The following RAB11FIP4 variants were observed in gnomAD, a reference collection of about 807,000 sequenced individuals.
The protein encoded by RAB11FIP4 is RAB11 family interacting protein 4.
In RAB11FIP4, 23 loss-of-function variants were observed where a neutral mutation model predicts 74.3. The ratio of observed to expected loss-of-function variants is 0.31; its 90% CI spans 0.22 to 0.44. The LOEUF (loss-of-function observed/expected upper bound fraction) is 0.44, where lower values mean the gene tolerates loss of function less well. Among genes scored for constraint, RAB11FIP4 ranks in the 20% least tolerant of loss-of-function variants. The pLI is 1.00. For missense variants in RAB11FIP4, 630 were observed against 863.9 expected, an observed-to-expected ratio of 0.73 and a Z score of 3.39; for synonymous variants, 360 against 359.9, an observed-to-expected ratio of 1.00 and a Z score of 0.00.
chr17:31,412,644 C>T (rs905747461), intron 1 of RAB11FIP4, among the ~76,000 whole-genome samples: 2 of 152,216 alleles, frequency 1.3e-5, no homozygotes, highest in Non-Finnish European at 2.9e-5. Context: ...TTAATCTCTG[C>T]TGCCCACAGA....
chr17:31,445,575 TATA>T (rs1479514974), intron 3 of RAB11FIP4, among the ~76,000 whole-genome samples: 8 of 10,978 alleles, frequency 7.3e-4, no homozygotes, highest in South Asian at 5.1e-3. Flanking sequence ...TATATATATA[TATA>T]TTTTTTTTTT....
At chr17:31,496,215 A>G (rs1056108824) in intron 3 of RAB11FIP4, among the ~76,000 whole-genome samples, 2 of 152,180 alleles carry the variant, frequency 1.3e-5, no homozygotes, top group East Asian at 1.9e-4. Context: ...CAAGGGGACA[A>G]CCTTGGATTG....
Position 31,536,935 on chromosome 17 carries a change from C to G in RAB11FIP4, c.*5203C>G. 2.5e-6 allele frequency: 1 copy of G among 399,078 alleles called. No individual in the cohort carries two copies. Among genetic ancestry groups the G allele is most frequent in the Non-Finnish European group, 4.4e-6 (1 of 226,120 alleles). 24.7% of individuals were successfully genotyped at this position (399,078 alleles called of 1,614,324 possible). Reference sequence around the variant, plus strand: ...CCATATGACCTCCCTGCCCCGACCTCGTAGGTTGCTCCTTTCCCCATCTGT... The same window carrying G: ...CCATATGACCTCCCTGCCCCGACCTGGTAGGTTGCTCCTTTCCCCATCTGT... On this transcript the variant is annotated 3_prime_UTR_variant, in exon 15 of 15. Transcript: ENST00000621161.
chr17:31,516,137 T>C (rs544474983), intron 3 of RAB11FIP4, among the ~76,000 whole-genome samples: 1 of 152,168 alleles, frequency 6.6e-6, no homozygotes, highest in South Asian at 2.1e-4. Flanking sequence ...TAAGATTCCA[T>C]TGCCATTCCT....
chr17:31,527,809 G>T (rs1435711076), intron 10 of RAB11FIP4, 33 bp from the exon 11 acceptor site: 3 of 1,547,614 alleles, frequency 1.9e-6, no homozygotes, highest in East Asian at 2.3e-5. Flanking sequence ...CTACATTCCA[G>T]GTTTCTGAGA....
At chr17:31,411,281 G>A (rs975287267) in intron 1 of RAB11FIP4, among the ~76,000 whole-genome samples, 3 of 152,086 alleles carry the variant, frequency 2.0e-5, no homozygotes, top group African/African-American at 4.8e-5. Flanking sequence ...GGAGAATAGC[G>A]TGAACCTGGG....
chr17:31,474,267 G>A (rs1288964820), intron 3 of RAB11FIP4, among the ~76,000 whole-genome samples: 1 of 152,144 alleles, frequency 6.6e-6, no homozygotes, highest in Non-Finnish European at 1.5e-5. Flanking sequence ...CAGCACTGGT[G>A]GAATTTAAAG....
intron 3 of RAB11FIP4, among the ~76,000 whole-genome samples, chr17:31,493,505 C>A (rs1383532026): frequency 6.6e-6 from 1 of 151,944 alleles, no homozygotes; most frequent in Non-Finnish European, 1.5e-5. Context: ...GGGGTGTCTA[C>A]CCTCTGCACC....
intron 3 of RAB11FIP4, among the ~76,000 whole-genome samples, chr17:31,504,373 C>T (rs920861522): frequency 1.3e-5 from 2 of 151,504 alleles, no homozygotes. Context: ...CCTCATGATC[C>T]GCTTGCCTCG....
intron 1 of RAB11FIP4, among the ~76,000 whole-genome samples, chr17:31,396,684 C>G (rs903812666): frequency 6.6e-6 from 1 of 152,184 alleles, no homozygotes; most frequent in African/African-American, 2.4e-5. Flanking sequence ...GCCCCTCTTA[C>G]GTCCCCTCGG....
At chr17:31,444,033 G>A (rs1016401532) in intron 3 of RAB11FIP4, among the ~76,000 whole-genome samples, 12 of 152,236 alleles carry the variant, frequency 7.9e-5, no homozygotes, top group Admixed American at 4.6e-4. Context: ...CTTCCTGGAA[G>A]TTTTTAAAAT....
chr17:31,526,768 A>AC (rs1374104386), intron 10 of RAB11FIP4: 1 of 152,158 alleles, frequency 6.6e-6, no homozygotes, highest in Non-Finnish European at 1.5e-5. Flanking sequence ...ACATGGTGAA[A>AC]CCCCATCTCT....
intron 1 of RAB11FIP4, among the ~76,000 whole-genome samples, chr17:31,416,261 C>A (rs1597904976): frequency 6.6e-6 from 1 of 152,180 alleles, no homozygotes; most frequent in Non-Finnish European, 1.5e-5. Context: ...AACCACATAC[C>A]CCCTCTACCA....
At chr17:31,516,412 C>T (rs946161232) in intron 3 of RAB11FIP4, among the ~76,000 whole-genome samples, 4 of 152,032 alleles carry the variant, frequency 2.6e-5, no homozygotes, top group Non-Finnish European at 5.9e-5. Context: ...GCGTCTTGAA[C>T]AAAAATTGGA....
chr17:31,399,127 C>T (rs1170195511), intron 1 of RAB11FIP4, among the ~76,000 whole-genome samples: 3 of 152,044 alleles, frequency 2.0e-5, no homozygotes, highest in Non-Finnish European at 4.4e-5. Flanking sequence ...TTGCAGCACC[C>T]CTTTGGCCCA....
At position 31,521,517 on chromosome 17, in the gene RAB11FIP4, G is replaced by A. The variant is rs112278475; in HGVS notation, c.758+157G>A. 7.9e-3 allele frequency among the ~76,000 whole-genome samples: 1,196 copies of A among 152,018 alleles called. 11 individuals carry two copies. The highest frequency in any genetic ancestry group is 0.028 in the African/African-American group (1,149 of 41,446). On this transcript the variant is annotated intron_variant, in intron 5 of 14. Coordinates refer to ENST00000621161, the MANE Select transcript of RAB11FIP4 (RefSeq NM_032932.6). ...CCTGGGGCTTGGGGTTGCTACCTTC[G>A]CACCCTGATTAGGGGTCAGGAGTTC...
chr17:31,430,507 G>A (rs1306219679), intron 1 of RAB11FIP4, among the ~76,000 whole-genome samples: 12 of 150,924 alleles, frequency 8.0e-5, no homozygotes, highest in African/African-American at 2.7e-4. Flanking sequence ...ACAGGCGCCC[G>A]CCACGACGCC....
At chr17:31,398,985 A>G (rs2070958363) in intron 1 of RAB11FIP4, among the ~76,000 whole-genome samples, 1 of 152,178 alleles carries the variant, frequency 6.6e-6, no homozygotes, top group African/African-American at 2.4e-5. Context: ...GGTGGGCAGC[A>G]GGCTCCTGGA....
At chr17:31,465,380 A>G (rs2071674408) in intron 3 of RAB11FIP4, among the ~76,000 whole-genome samples, 1 of 152,110 alleles carries the variant, frequency 6.6e-6, no homozygotes, top group Non-Finnish European at 1.5e-5. Flanking sequence ...CCAAAGTTCT[A>G]GAATGACTGC....
Sources: allele counts gnomAD v4.1 joint callset (sites outside exome capture counted in the v4.1 genomes callset), GRCh38; gene constraint gnomAD v4.1.1; transcripts MANE v1.5; gene names NCBI Gene and HGNC (gene_info 2026-07-23, HGNC 2026-07-21).